The following EXT2 variants were observed in gnomAD, a reference collection of about 807,000 sequenced individuals.
The protein encoded by EXT2 is exostosin-2.
A neutral mutation model predicts 81.6 loss-of-function variants in EXT2; 53 were observed. The observed-to-expected ratio is 0.65, with a 90% CI of 0.52 to 0.82. The LOEUF is 0.82. Among genes scored for constraint, EXT2 ranks in the 40% least tolerant of loss-of-function variants. The pLI is 0.00. For synonymous variants in EXT2, 320 were observed against 340.0 expected, an observed-to-expected ratio of 0.94 and a Z score of 0.65; for missense variants, 774 against 910.2, an observed-to-expected ratio of 0.85 and a Z score of 1.93.
At chr11:44,207,035 T>G (rs1476665136) in intron 10 of EXT2, 76 bp downstream of exon 10, 2 of 1,486,504 alleles carry the variant, frequency 1.3e-6, no homozygotes, top group Non-Finnish European at 1.9e-6. Flanking sequence ...TAAAAAAGAG[T>G]ATTATATTTC....
At chr11:44,162,027 G>A (rs1339092157) in intron 7 of EXT2, among the ~76,000 whole-genome samples, 1 of 152,178 alleles carries the variant, frequency 6.6e-6, no homozygotes, top group Non-Finnish European at 1.5e-5. Flanking sequence ...GCACTATGGT[G>A]TCCTGGATTA....
chr11:44,095,934 A>G (rs1953887914), intron 1 of EXT2, 82 bp downstream of exon 1: 3 of 375,402 alleles, frequency 8.0e-6, no homozygotes, highest in Non-Finnish European at 1.0e-5. Context: ...CTGGGTCGGG[A>G]CAAGGGCCGA....
chr11:44,171,460 G>T, intron 7 of EXT2, 151 bp from the exon 8 acceptor site: 1 of 1,118,456 alleles, frequency 8.9e-7, no homozygotes. Context: ...CAGCTGGCTT[G>T]AACAGCAGGG....
intron 7 of EXT2, among the ~76,000 whole-genome samples, chr11:44,159,671 CTG>C (rs1409502322): frequency 6.6e-6 from 1 of 152,136 alleles, no homozygotes; most frequent in Non-Finnish European, 1.5e-5. Flanking sequence ...TCTCTTCAAA[CTG>C]TGTTTTTGCT....
intron 7 of EXT2, among the ~76,000 whole-genome samples, chr11:44,136,863 C>T (rs1163652430): frequency 2.6e-5 from 4 of 152,172 alleles, no homozygotes; most frequent in Non-Finnish European, 5.9e-5. Flanking sequence ...GACCTGATCC[C>T]TGGAGTTCTT....
At chr11:44,239,418 T>C (rs1433527282) in intron 13 of EXT2, among the ~76,000 whole-genome samples, 2 of 129,744 alleles carry the variant, frequency 1.5e-5, no homozygotes, top group Admixed American at 1.8e-4. Context: ...TTTTGAGACA[T>C]AGTCTCACTC....
intron 6 of EXT2, among the ~76,000 whole-genome samples, chr11:44,129,533 G>A (rs543976829): frequency 1.6e-4 from 24 of 152,298 alleles, no homozygotes; most frequent in African/African-American, 5.1e-4. Flanking sequence ...CATTCTTCTG[G>A]CCTGCTTACT....
chr11:44,224,091 C>T (rs1397167820), intron 10 of EXT2, among the ~76,000 whole-genome samples: 3 of 152,096 alleles, frequency 2.0e-5, no homozygotes, highest in Admixed American at 6.5e-5. Flanking sequence ...CTGGGTAAAG[C>T]GTATACAGGC....
At chr11:44,205,589 A>G (rs889088498) in intron 9 of EXT2, among the ~76,000 whole-genome samples, 6 of 152,222 alleles carry the variant, frequency 3.9e-5, no homozygotes, top group African/African-American at 1.4e-4. Context: ...GGCCTCTTCC[A>G]AGACCCTGGG....
intron 3 of EXT2, among the ~76,000 whole-genome samples, chr11:44,110,729 A>G (rs1954130698): frequency 6.6e-6 from 1 of 152,176 alleles, no homozygotes; most frequent in Non-Finnish European, 1.5e-5. Context: ...ATGCGATTTC[A>G]TTTGTCTGCA....
In EXT2 at chr11:44,197,863, C is replaced by T. The variant is rs758411926; in HGVS notation, c.1340C>T (p.Pro447Leu). The change falls in exon 9 of 14, where the codon CCG (proline) becomes CTG (leucine). Residue 447 changes from proline (P) to leucine (L), a missense_variant. Transcript: ENST00000533608. ...WGSVSNPLFL[P>L]LIPPQSQGFT... is the part of the protein sequence containing the mutation. ...AGCGTGAGCAATCCACTCTTCCTCC[C>T]GCTGATCCCACCACAGTCTCAAGGG... 5.6e-6 allele frequency: 9 copies of T among 1,613,930 alleles called. No individual in the cohort carries two copies. The highest frequency in any genetic ancestry group is 1.7e-5 in the Admixed American group (1 of 59,998).
intron 7 of EXT2, among the ~76,000 whole-genome samples, chr11:44,136,577 A>T (rs1361340265): frequency 2.6e-5 from 4 of 152,318 alleles, no homozygotes; most frequent in Non-Finnish European, 4.4e-5. Context: ...GAAATATATT[A>T]TGAGGAATGT....
chr11:44,097,764 ATAAAT>A (rs1484271409), intron 1 of EXT2, among the ~76,000 whole-genome samples: 1 of 90,910 alleles, frequency 1.1e-5, no homozygotes, highest in Admixed American at 9.0e-5. Context: ...ATCTCAAAAA[ATAAAT>A]AAATAAATAA....
chr11:44,247,241 T>TC lies in EXT2; in HGVS notation c.*2956dup, dbSNP rs1316744674. On this transcript the variant is annotated 3_prime_UTR_variant, in exon 14 of 14. Coordinates refer to ENST00000533608, the MANE Select transcript of EXT2 (RefSeq NM_207122.2). ...TTCCTGCCAGTGATGCTCTGCTGTA[T>TC]CCTTTTTTTTTTTTTTTTTTTTGAG... is the stretch of plus-strand genomic sequence containing the variant. 7.6e-4 allele frequency among the ~76,000 whole-genome samples: 100 copies of TC among 130,910 alleles called. No individual in the cohort carries two copies. The highest frequency in any genetic ancestry group is 3.1e-3 in the South Asian group (13 of 4,196). The allele number at this position is 130,910 out of a possible 152,430, so 85.9% of individuals were successfully genotyped here.
chr11:44,248,059 A>AG lies in EXT2; in HGVS notation c.*3774dup, dbSNP rs1956110488. 6.6e-6 allele frequency among the ~76,000 whole-genome samples: 1 copy of AG among 152,194 alleles called. No homozygotes were observed. The highest frequency in any genetic ancestry group is 1.5e-5 in the Non-Finnish European group (1 of 68,032). On this transcript the variant is annotated 3_prime_UTR_variant, in exon 14 of 14. Coordinates refer to ENST00000533608, the MANE Select transcript of EXT2 (RefSeq NM_207122.2). The stretch of plus-strand genomic sequence containing the variant: ...TGTGAGGACCCAGCTGATAGAGTAA[A>AG]GGCTTTGGGTGTTGGAGACTTCCCA...
At chr11:44,232,326 T>C in intron 10 of EXT2, 27 bp from the exon 11 acceptor site, 1 of 1,613,104 alleles carries the variant, frequency 6.2e-7, no homozygotes, top group Non-Finnish European at 8.5e-7. Context: ...AATTGGGACT[T>C]GATTGTTATT....
chr11:44,149,610 A>G lies in EXT2; in HGVS notation c.1173+19472A>G, dbSNP rs146043085. ...GTACACTATTTTGATATCAGAAAGT[A>G]TTGTCCTGGACTTCATCATTTAGAC... is the stretch of plus-strand genomic sequence containing the variant. On this transcript the variant is annotated intron_variant, in intron 7 of 13. Coordinates refer to ENST00000533608, the MANE Select transcript of EXT2 (RefSeq NM_207122.2). Among the ~76,000 whole-genome samples, 129 of 152,344 alleles carry G rather than the reference A, an allele frequency of 8.5e-4. No individual in the cohort carries two copies. In the East Asian group the frequency reaches 9.1e-3, roughly 11 times the overall value.
intron 8 of EXT2, among the ~76,000 whole-genome samples, chr11:44,178,740 C>T (rs1412973045): frequency 6.6e-6 from 1 of 151,998 alleles, no homozygotes; most frequent in African/African-American, 2.4e-5. Context: ...GCCTACCCTG[C>T]CCCCCAGGAG....
At position 44,245,180 on chromosome 11, in the gene EXT2, A is replaced by G. The variant is rs567979162; in HGVS notation, c.*893A>G. On this transcript the variant is annotated 3_prime_UTR_variant, in exon 14 of 14. Coordinates refer to ENST00000533608, the MANE Select transcript of EXT2 (RefSeq NM_207122.2). ...CCTGATTAGATCCAGTCAATGTTTTAAAGGTATTGTCAGAGAAAAACAGAG... is the reference window on the plus strand; with the variant it reads ...CCTGATTAGATCCAGTCAATGTTTTGAAGGTATTGTCAGAGAAAAACAGAG... The G allele has an allele frequency of 1.7e-4, 39 of 229,100 alleles. No individual in the cohort carries two copies. The highest frequency in any genetic ancestry group is 6.9e-4 in the African/African-American group (31 of 45,204). 14.2% of individuals were successfully genotyped at this position (229,100 alleles called of 1,614,324 possible).
Sources: gnomAD v4.1 joint callset for allele counts (sites outside exome capture counted in the v4.1 genomes callset) on GRCh38, gnomAD v4.1.1 for gene constraint, MANE v1.5 for transcripts, NCBI Gene and HGNC (gene_info 2026-07-23, HGNC 2026-07-21) for gene names.